The following ZNF385D variants were observed in gnomAD, a reference collection of about 807,000 sequenced individuals.
ZNF385D encodes the protein zinc finger protein 385D.
In ZNF385D, 15 loss-of-function variants were observed where a neutral mutation model predicts 35.8. That is an observed-to-expected ratio of 0.42 (90% CI 0.28 to 0.64). The LOEUF (loss-of-function observed/expected upper bound fraction) is 0.64, where lower values mean the gene tolerates loss of function less well. Ranked by LOEUF, ZNF385D falls within the 30% of genes least tolerant of loss-of-function variation. The probability of loss-of-function intolerance (pLI) is 0.23; values close to 1 mark genes in which losing one functional copy is unlikely to be tolerated. For synonymous variants in ZNF385D, 212 were observed against 186.8 expected (o/e 1.13, Z -1.10); for missense variants, 474 against 494.6 (o/e 0.96, Z 0.39).
At chr3:22,146,042 A>AC (rs1704831741) in intron 3 of ZNF385D, among the ~76,000 whole-genome samples, 1 of 152,172 alleles carries the variant, frequency 6.6e-6, no homozygotes, top group Admixed American at 6.6e-5. Flanking sequence ...ACTGATGACC[A>AC]CAACACATCC....
intron 2 of ZNF385D, among the ~76,000 whole-genome samples, chr3:21,567,658 A>ATGTGTT (rs2063197456): frequency 6.6e-6 from 1 of 152,140 alleles, no homozygotes; most frequent in African/African-American, 2.4e-5. Flanking sequence ...CACAAACGGG[A>ATGTGTT]TGTGTTTCTA....
intron 4 of ZNF385D, among the ~76,000 whole-genome samples, chr3:21,483,313 T>A (rs1198037305): frequency 6.6e-6 from 1 of 152,192 alleles, no homozygotes; most frequent in Non-Finnish European, 1.5e-5. Flanking sequence ...TACATATCAA[T>A]AGTTTATTCC....
At chr3:21,513,357 A>C (rs1707348768) in intron 3 of ZNF385D, among the ~76,000 whole-genome samples, 1 of 152,202 alleles carries the variant, frequency 6.6e-6, no homozygotes, top group African/African-American at 2.4e-5. Context: ...AATGACCAGA[A>C]GTTGATAGGC....
At chr3:21,871,292 C>G (rs1697678819) in intron 3 of ZNF385D, among the ~76,000 whole-genome samples, 2 of 152,178 alleles carry the variant, frequency 1.3e-5, no homozygotes, top group African/African-American at 4.8e-5. Flanking sequence ...AAATGATGAT[C>G]TTTAACCTTG....
upstream of ZNF385D, among the ~76,000 whole-genome samples, chr3:21,752,614 A>G (rs978282066): frequency 2.0e-5 from 3 of 152,094 alleles, no homozygotes; most frequent in African/African-American, 7.2e-5. Flanking sequence ...ATTATAAAGA[A>G]TTTGGTGAGT....
At chr3:21,683,213 G>A (rs2066972525) in intron 1 of ZNF385D, among the ~76,000 whole-genome samples, 1 of 149,874 alleles carries the variant, frequency 6.7e-6, no homozygotes, top group African/African-American at 2.5e-5. Context: ...GGCATATTTA[G>A]CAGAATTCTA....
chr3:22,220,135 C>A (rs1410024076), intron 2 of ZNF385D, among the ~76,000 whole-genome samples: 1 of 150,944 alleles, frequency 6.6e-6, no homozygotes, highest in African/African-American at 2.4e-5. Context: ...AGGATCATGG[C>A]TCACTGTAGC....
chr3:21,674,927 G>C (rs985618552), intron 1 of ZNF385D, among the ~76,000 whole-genome samples: 6 of 151,180 alleles, frequency 4.0e-5, no homozygotes, highest in African/African-American at 1.2e-4. Flanking sequence ...TGGATGGATG[G>C]ATGGATGCAT....
intron 3 of ZNF385D, among the ~76,000 whole-genome samples, chr3:21,767,250 G>A (rs555066048): frequency 1.3e-5 from 2 of 152,010 alleles, no homozygotes; most frequent in African/African-American, 4.8e-5. Context: ...TACGTCTTAG[G>A]TTTGTGTAAT....
intron 2 of ZNF385D, among the ~76,000 whole-genome samples, chr3:21,657,489 T>C (rs2066106603): frequency 6.6e-6 from 1 of 151,904 alleles, no homozygotes; most frequent in Admixed American, 6.6e-5. Context: ...GTGTGAAACG[T>C]ATAATGAAAG....
At chr3:21,788,626 T>G (rs373553528) in intron 3 of ZNF385D, among the ~76,000 whole-genome samples, 6 of 152,322 alleles carry the variant, frequency 3.9e-5, no homozygotes, top group East Asian at 1.9e-4. Context: ...AACTTTCAAA[T>G]TTTTGAGACA....
At chr3:22,031,652 G>A (rs562484830) in intron 3 of ZNF385D, among the ~76,000 whole-genome samples, 1 of 152,160 alleles carries the variant, frequency 6.6e-6, no homozygotes, top group South Asian at 2.1e-4. Flanking sequence ...AGGGGCTGCT[G>A]AGAAGATCTC....
chr3:22,185,228 C>A (rs1214891427), intron 2 of ZNF385D, among the ~76,000 whole-genome samples: 1 of 152,004 alleles, frequency 6.6e-6, no homozygotes, highest in African/African-American at 2.4e-5. Flanking sequence ...AATAACGGGA[C>A]AGAAACGAAA....
At chr3:22,359,060 AC>A (rs1177927994) in intron 2 of ZNF385D, among the ~76,000 whole-genome samples, 6 of 148,204 alleles carry the variant, frequency 4.0e-5, no homozygotes, top group Non-Finnish European at 6.0e-5. Flanking sequence ...AAACAAACAA[AC>A]AAACAAAAAA....
intron 3 of ZNF385D, among the ~76,000 whole-genome samples, chr3:22,046,565 C>A (rs1368234802): frequency 1.3e-5 from 2 of 152,058 alleles, no homozygotes; most frequent in Non-Finnish European, 2.9e-5. Flanking sequence ...TGTCTTCTTC[C>A]ACTAATATTA....
intron 3 of ZNF385D, among the ~76,000 whole-genome samples, chr3:22,083,372 A>G (rs1034637322): frequency 3.3e-5 from 5 of 152,214 alleles, no homozygotes; most frequent in African/African-American, 7.2e-5. Flanking sequence ...AATAAACAGC[A>G]TAGAGAAGAC....
intron 4 of ZNF385D, 61 bp downstream of exon 4, chr3:21,510,800 C>A: frequency 1.9e-6 from 3 of 1,601,274 alleles, no homozygotes; most frequent in South Asian, 2.2e-5. Flanking sequence ...TGGGGCTAGA[C>A]AAGGGAGGGA....
chr3:21,989,202 G>A (rs1695006479), intron 3 of ZNF385D, among the ~76,000 whole-genome samples: 1 of 152,110 alleles, frequency 6.6e-6, no homozygotes, highest in African/African-American at 2.4e-5. Context: ...CAATTTTTTA[G>A]AATAGTTTCT....
At position 22,313,970 on chromosome 3, in the gene ZNF385D, A is replaced by G. The variant is rs1240442305; in HGVS notation, c.106+58480T>C. Among the ~76,000 whole-genome samples, 6 of 152,160 alleles carry G rather than the reference A, an allele frequency of 3.9e-5. No homozygotes were observed. In the East Asian group the frequency reaches 5.8e-4, roughly 15 times the overall value. ...TATTGCTTTGGGTATGAAGCTCTGC[A>G]TAAGTTCTGATCTGCATTTGTTGCA... On this transcript the variant is annotated intron_variant, in intron 2 of 5. Coordinates refer to the ZNF385D transcript ENST00000494108.
Sources: allele counts gnomAD v4.1 joint callset (sites outside exome capture counted in the v4.1 genomes callset), GRCh38; gene constraint gnomAD v4.1.1; transcripts MANE v1.5; gene names NCBI Gene and HGNC (gene_info 2026-07-23, HGNC 2026-07-21).